FOXP1: variants seen among roughly 807,000 people sequenced by gnomAD.
FOXP1 encodes the protein forkhead box P1.
FOXP1 carries 15 observed loss-of-function variants against 98.2 expected under a neutral mutation model. The observed-to-expected ratio is 0.15, with a 90% CI of 0.10 to 0.24. The LOEUF (loss-of-function observed/expected upper bound fraction) is 0.24. Among genes scored for constraint, FOXP1 ranks in the 10% least tolerant of loss-of-function variants. The pLI, the probability that FOXP1 is intolerant of heterozygous loss-of-function variation, is 1.00. For missense variants in FOXP1, 633 were observed against 848.5 expected (o/e 0.75, Z 3.15); for synonymous variants, 371 against 314.5 (o/e 1.18, Z -1.90).
At chr3:70,988,398 G>A (rs764234993) in intron 13 of FOXP1, among the ~76,000 whole-genome samples, 9 of 152,198 alleles carry the variant, frequency 5.9e-5, no homozygotes, top group Non-Finnish European at 8.8e-5. Flanking sequence ...CATGAGAAAA[G>A]CCAAGGGAAA....
At chr3:71,557,744 T>G (rs2046244175) in intron 2 of FOXP1, among the ~76,000 whole-genome samples, 1 of 152,236 alleles carries the variant, frequency 6.6e-6, no homozygotes, top group Non-Finnish European at 1.5e-5. Context: ...ACATGCCACA[T>G]TAGGAGAGAA....
intron 5 of FOXP1, among the ~76,000 whole-genome samples, chr3:71,229,785 G>A (rs559640794): frequency 3.3e-5 from 5 of 152,170 alleles, no homozygotes; most frequent in South Asian, 2.1e-4. Flanking sequence ...TGGGTTCTCC[G>A]TACCATCTCC....
chr3:70,967,710 G>GTTTTTTTTTTTT (rs756777959), intron 19 of FOXP1, among the ~76,000 whole-genome samples: 33 of 68,870 alleles, frequency 4.8e-4, no homozygotes, highest in Non-Finnish European at 6.1e-4. Context: ...GTTTTTTTTT[G>GTTTTTTTTTTTT]TTTTTTTTTT....
chr3:70,993,908 C>T (rs1013633249), intron 13 of FOXP1, among the ~76,000 whole-genome samples: 14 of 151,632 alleles, frequency 9.2e-5, no homozygotes, highest in Admixed American at 8.6e-4. Context: ...TCAGGAGAAT[C>T]GCTTGAACCC....
At chr3:71,043,476 G>A (rs1559798212) in intron 10 of FOXP1, among the ~76,000 whole-genome samples, 1 of 152,114 alleles carries the variant, frequency 6.6e-6, no homozygotes, top group Non-Finnish European at 1.5e-5. Context: ...TAGCTAGCAG[G>A]CCCGCTACTG....
At chr3:71,513,501 C>T (rs1316704382) in intron 2 of FOXP1, among the ~76,000 whole-genome samples, 1 of 152,172 alleles carries the variant, frequency 6.6e-6, no homozygotes, top group Admixed American at 6.5e-5. Flanking sequence ...AACAGGACTC[C>T]CTGCTCCTTC....
chr3:71,037,761 ATTACACAGG>A (rs1347468035), intron 11 of FOXP1, among the ~76,000 whole-genome samples: 3 of 152,220 alleles, frequency 2.0e-5, no homozygotes, highest in Non-Finnish European at 2.9e-5. Context: ...AATGTCCATG[ATTACACAGG>A]GACAGGATCT....
At chr3:71,524,907 C>T (rs888394677) in intron 2 of FOXP1, among the ~76,000 whole-genome samples, 1 of 152,190 alleles carries the variant, frequency 6.6e-6, no homozygotes, top group African/African-American at 2.4e-5. Flanking sequence ...CACCGTGCGG[C>T]CCACTTGGGA....
At chr3:71,358,477 G>A (rs953282278) in intron 4 of FOXP1, among the ~76,000 whole-genome samples, 1 of 152,318 alleles carries the variant, frequency 6.6e-6, no homozygotes. Flanking sequence ...CTGTAGAGCC[G>A]ATCATCACAT....
chr3:71,182,804 C>G (rs2062406873), intron 6 of FOXP1, among the ~76,000 whole-genome samples: 1 of 151,620 alleles, frequency 6.6e-6, no homozygotes, highest in African/African-American at 2.4e-5. Context: ...CTTAGCCTCC[C>G]AAAGTGCAGG....
chr3:71,568,038 G>A (rs1285323098), intron 2 of FOXP1: 2 of 125,288 alleles, frequency 1.6e-5, no homozygotes, highest in African/African-American at 6.1e-5. Context: ...GGAGGGAAGG[G>A]GAGGGGAGGG....
At chr3:71,277,304 A>G (rs550843145) in intron 5 of FOXP1, among the ~76,000 whole-genome samples, 1 of 149,008 alleles carries the variant, frequency 6.7e-6, no homozygotes, top group African/African-American at 2.5e-5. Context: ...GAGTGAGAAC[A>G]TGCGGTGTTT....
chr3:71,513,006 A>G (rs13071862), intron 2 of FOXP1, among the ~76,000 whole-genome samples: 6,164 of 152,258 alleles, frequency 0.04, 219 homozygotes, highest in Non-Finnish European at 0.055. Flanking sequence ...TAGTAAGGTC[A>G]GTTTTAGGGG....
chr3:71,111,388 C>T (rs2057907216), intron 7 of FOXP1, among the ~76,000 whole-genome samples: 1 of 152,100 alleles, frequency 6.6e-6, no homozygotes, highest in South Asian at 2.1e-4. Flanking sequence ...GTCAAAAACC[C>T]AAATTAGATT....
chr3:70,977,719 T>A lies in FOXP1; in HGVS notation c.1352A>T (p.Asp451Val). 1 of 1,614,104 alleles carries A rather than the reference T, an allele frequency of 6.2e-7. No homozygotes were observed. The highest frequency in any genetic ancestry group is 8.5e-7 in the Non-Finnish European group (1 of 1,179,898). The stretch of plus-strand genomic sequence containing the variant: ...ATAAAATTCTTGGTTCTGCGCAATA[T>A]CTGCTGAATAAGAATCATTGTCCTA... ...DKYNVPISSA[D>V]IAQNQEFYKN... Residue 451 changes from aspartate to valine, a missense_variant, in exon 16 of 21, where the codon GAT becomes GTT. Physicochemically the swap from Asp to Val is radical, Grantham distance 152 (BLOSUM62 -3). Coordinates refer to ENST00000649528, the MANE Select transcript of FOXP1 (RefSeq NM_001349338.3).
At position 70,983,011 on chromosome 3, in the gene FOXP1, T is replaced by C. The variant is rs552534732; in HGVS notation, c.1147-4982A>G. Among the ~76,000 whole-genome samples, 12 of 152,364 alleles carry C rather than the reference T, an allele frequency of 7.9e-5. No homozygotes were observed. The South Asian group carries it at 1.2e-3, about 16-fold the overall frequency. On this transcript the variant is annotated intron_variant, in intron 14 of 20. Coordinates refer to ENST00000649528, the MANE Select transcript of FOXP1 (RefSeq NM_001349338.3). ...TACTGGCCTGAGCCAGCTCAAGTCC[T>C]GCTTTAACTGCATGGCAGTGTCATT...
intron 17 of FOXP1, among the ~76,000 whole-genome samples, chr3:70,974,159 G>A (rs1269033910): frequency 6.6e-6 from 1 of 151,994 alleles, no homozygotes; most frequent in Non-Finnish European, 1.5e-5. Flanking sequence ...GACTATGAAA[G>A]GACACTCCTG....
intron 5 of FOXP1, among the ~76,000 whole-genome samples, chr3:71,219,303 C>A (rs2108497598): frequency 6.6e-6 from 1 of 152,294 alleles, no homozygotes; most frequent in African/African-American, 2.4e-5. Context: ...CTCTATAAGG[C>A]CTATATCCTC....
Position 71,198,297 on chromosome 3 carries a change from A to T in FOXP1, c.85T>A (p.Cys29Ser), listed in dbSNP as rs2063427946. 1 of 1,613,654 alleles carries T rather than the reference A, an allele frequency of 6.2e-7. No homozygotes were observed. Among genetic ancestry groups the T allele is most frequent in the African/African-American group, 1.3e-5 (1 of 74,788 alleles). ...GSGGSNHLLE[C>S]GGLREGRSNG... ...GACCGCCCCTCCCGAAGACCGCCGC[A>T]CTCTAGTAAGTGGTTGCTGCCGCCC... The change falls in exon 6 of 21, where the codon TGC (cysteine) becomes AGC (serine). Residue 29 changes from cysteine (C) to serine (S), a missense_variant. Cys to Ser is a moderately radical substitution (Grantham distance 112). Transcript: ENST00000649528.
Sources: gnomAD v4.1 joint callset for allele counts (sites outside exome capture counted in the v4.1 genomes callset) on GRCh38, gnomAD v4.1.1 for gene constraint, MANE v1.5 for transcripts, NCBI Gene and HGNC (gene_info 2026-07-23, HGNC 2026-07-21) for gene names.